The following FYB2 variants were observed in gnomAD, a reference collection of about 807,000 sequenced individuals.
The protein encoded by FYB2 is FYN binding protein 2, also known as FYN-binding protein 2.
In FYB2, 103 loss-of-function variants were observed where a neutral mutation model predicts 94.1. The observed-to-expected ratio is 1.09, with a 90% CI of 0.93 to 1.29. FYB2 has a LOEUF of 1.29. Ranked by LOEUF, FYB2 falls within the 50% of genes most tolerant of loss-of-function variation. FYB2 has a pLI of 0.00. For synonymous variants in FYB2, 293 were observed against 287.9 expected, an observed-to-expected ratio of 1.02 and a Z score of -0.18; for missense variants, 896 against 841.5, an observed-to-expected ratio of 1.06 and a Z score of -0.80.
intron 16 of FYB2, 64 bp downstream of exon 16, chr1:56,726,433 A>G (rs1468909543): frequency 6.9e-7 from 1 of 1,442,680 alleles, no homozygotes; most frequent in South Asian, 1.2e-5. Context: ...CTGAGGCCAC[A>G]CAGCTAGTAA....
intron 4 of FYB2, among the ~76,000 whole-genome samples, chr1:56,786,714 C>T (rs940531058): frequency 6.6e-6 from 1 of 152,062 alleles, no homozygotes; most frequent in East Asian, 1.9e-4. Flanking sequence ...CAGTTGAGTG[C>T]CTGACACATC....
chr1:56,751,782 T>C (rs1038334603), intron 8 of FYB2, among the ~76,000 whole-genome samples: 8 of 152,072 alleles, frequency 5.3e-5, no homozygotes, highest in Non-Finnish European at 1.0e-4. Flanking sequence ...GCTCTAGAAG[T>C]AGAGACAGAG....
chr1:56,810,161 G>A (rs1005417499), intron 1 of FYB2, among the ~76,000 whole-genome samples: 1 of 152,164 alleles, frequency 6.6e-6, no homozygotes, highest in Non-Finnish European at 1.5e-5. Context: ...TACATGTTCA[G>A]TAAATATGTT....
chr1:56,766,128 A>G (rs1421218044), intron 5 of FYB2, among the ~76,000 whole-genome samples: 4 of 152,200 alleles, frequency 2.6e-5, no homozygotes, highest in Non-Finnish European at 5.9e-5. Flanking sequence ...AGCAGCATTG[A>G]TATCACCAAG....
upstream of FYB2, among the ~76,000 whole-genome samples, chr1:56,819,880 G>A (rs971272422): frequency 6.6e-6 from 1 of 152,094 alleles, no homozygotes; most frequent in African/African-American, 2.4e-5. Context: ...TAACATAAAG[G>A]AGCACCCTGT....
chr1:56,825,514 A>G, the FYB2 span, among the ~76,000 whole-genome samples: 1,149 of 152,284 alleles, frequency 7.5e-3, 5 homozygotes, highest in Middle Eastern at 0.02. Context: ...AGGTTAGGCC[A>G]AGATACACAG....
chr1:56,766,321 T>C (rs893124250), intron 5 of FYB2, among the ~76,000 whole-genome samples: 2 of 152,282 alleles, frequency 1.3e-5, no homozygotes, highest in Non-Finnish European at 2.9e-5. Flanking sequence ...CTGGGCAGGG[T>C]CAAGAGTTGC....
chr1:56,789,168 A>G (rs553525461), intron 2 of FYB2, 34 bp from the exon 3 acceptor site: 1 of 1,528,648 alleles, frequency 6.5e-7, no homozygotes, highest in African/African-American at 1.4e-5. Context: ...GTAAGTTATG[A>G]TTATTTTCAT....
chr1:56,756,916 T>C (rs1015905032), intron 6 of FYB2, among the ~76,000 whole-genome samples: 2 of 152,054 alleles, frequency 1.3e-5, no homozygotes, highest in African/African-American at 4.8e-5. Flanking sequence ...AAAACTGACT[T>C]GTGGTAGTTT....
chr1:56,745,836 A>C (rs1408194515), intron 9 of FYB2, among the ~76,000 whole-genome samples: 1 of 151,864 alleles, frequency 6.6e-6, no homozygotes, highest in Non-Finnish European at 1.5e-5. Flanking sequence ...CCCATCTCCT[A>C]CTATACTCTT....
chr1:56,819,159 G>A (rs112052210), intron 1 of FYB2, 123 bp downstream of exon 1: 14 of 1,122,504 alleles, frequency 1.2e-5, no homozygotes, highest in African/African-American at 9.9e-5. Flanking sequence ...CACCTGACAT[G>A]TTTATTCCTG....
chr1:56,790,236 C>T (rs1646229727), intron 2 of FYB2, among the ~76,000 whole-genome samples: 1 of 152,210 alleles, frequency 6.6e-6, no homozygotes. Flanking sequence ...TGCTCTCCTC[C>T]ACAAGCTGGA....
intron 1 of FYB2, among the ~76,000 whole-genome samples, chr1:56,813,328 G>A (rs1230862096): frequency 1.3e-5 from 2 of 152,192 alleles, no homozygotes; most frequent in African/African-American, 4.8e-5. Flanking sequence ...ATGGTAGAAG[G>A]CAAAGGAGGA....
At chr1:56,735,768 T>C (rs1419392711) in intron 15 of FYB2, among the ~76,000 whole-genome samples, 1 of 152,132 alleles carries the variant, frequency 6.6e-6, no homozygotes. Context: ...CCTTCTGCCA[T>C]GATTGTAAGT....
chr1:56,732,216 G>T (rs61765482), intron 15 of FYB2, among the ~76,000 whole-genome samples: 2,648 of 152,106 alleles, frequency 0.017, 34 homozygotes, highest in Non-Finnish European at 0.025. Context: ...GATCAAGAAG[G>T]CAATCTGGTT....
Position 56,787,187 on chromosome 1 carries a change from A to G in FYB2, c.941T>C (p.Leu314Pro). The change falls in exon 4 of 20, where the codon CTG becomes CCG. Residue 314 changes from leucine to proline, a missense_variant. Coordinates refer to ENST00000343433, the MANE Select transcript of FYB2 (RefSeq NM_001004303.5). ...AGCATGTACTTACCTCTCTGGAGAC[A>G]GGGAGCCCTCTTCCACAGTCACTGC... ...QGEVTVEEGS[L>P]SPERLFNAEF... 6.2e-7 allele frequency: 1 copy of G among 1,613,998 alleles called. No individual in the cohort carries two copies.
chr1:56,769,067 C>T (rs923789562), intron 4 of FYB2, among the ~76,000 whole-genome samples: 1 of 152,050 alleles, frequency 6.6e-6, no homozygotes, highest in Non-Finnish European at 1.5e-5. Context: ...GAGACAGGTT[C>T]TCATCCTGTC....
chr1:56,744,267 C>A lies in FYB2; in HGVS notation c.1388-1G>T. 2 of 1,608,238 alleles carry A rather than the reference C, an allele frequency of 1.2e-6. No individual in the cohort carries two copies. The highest frequency in any genetic ancestry group is 1.7e-6 in the Non-Finnish European group (2 of 1,177,096). On this transcript the variant is annotated splice_acceptor_variant, in intron 9 of 19. Transcript: ENST00000343433. LOFTEE classifies it high-confidence loss of function. ...GACTCCAAAACCTCCAGATGCCCACCTGAAAGGAAACCAGAAAACCTGAAA... is the reference window on the plus strand; with the variant it reads ...GACTCCAAAACCTCCAGATGCCCACATGAAAGGAAACCAGAAAACCTGAAA...
intron 9 of FYB2, among the ~76,000 whole-genome samples, chr1:56,749,799 T>G (rs1229877237): frequency 6.6e-6 from 1 of 152,024 alleles, no homozygotes; most frequent in African/African-American, 2.4e-5. Flanking sequence ...GGGATTTGGA[T>G]CTCAGCAAAA....
Sources: gnomAD v4.1 joint callset for allele counts (sites outside exome capture counted in the v4.1 genomes callset) on GRCh38, gnomAD v4.1.1 for gene constraint, MANE v1.5 for transcripts, NCBI Gene and HGNC (gene_info 2026-07-23, HGNC 2026-07-21) for gene names.